The following GNAQ variants were observed in gnomAD, a reference collection of about 807,000 sequenced individuals.
GNAQ encodes the protein guanine nucleotide-binding protein G(q) subunit alpha.
GNAQ carries 8 observed loss-of-function variants against 43.9 expected under a neutral mutation model. The observed-to-expected ratio is 0.18, with a 90% CI of 0.11 to 0.33. The LOEUF is 0.33. Among genes scored for constraint, GNAQ ranks in the 10% least tolerant of loss-of-function variants. The pLI, the probability that GNAQ is intolerant of heterozygous loss-of-function variation, is 1.00. For missense variants in GNAQ, 158 were observed against 450.8 expected (o/e 0.35, Z 5.88); for synonymous variants, 155 against 170.7 (o/e 0.91, Z 0.71).
In GNAQ at chr9:77,907,337, C is replaced by T. The variant is rs576875323; in HGVS notation, c.321+14824G>A. The stretch of plus-strand genomic sequence containing the variant: ...GACAAACACCCAGCACTGCCAGATG[C>T]ATCACTACATGCACCAACCCAGAAC... On this transcript the variant is annotated intron_variant, in intron 2 of 6. Transcript: ENST00000286548. Among the ~76,000 whole-genome samples, 26 of 152,142 alleles carry T rather than the reference C, an allele frequency of 1.7e-4. No homozygotes were observed. The South Asian group carries it at 3.7e-3, about 22-fold the overall frequency.
At chr9:77,991,732 C>T (rs905809820) in intron 1 of GNAQ, among the ~76,000 whole-genome samples, 1 of 152,162 alleles carries the variant, frequency 6.6e-6, no homozygotes, top group African/African-American at 2.4e-5. Flanking sequence ...CCATGCTTCC[C>T]TCCAAGTCCC....
chr9:77,809,367 G>A (rs1043475453), intron 3 of GNAQ, among the ~76,000 whole-genome samples: 2 of 152,178 alleles, frequency 1.3e-5, no homozygotes, highest in African/African-American at 4.8e-5. Context: ...ACGCCAATGT[G>A]ATTGAGACTT....
rs1489022281 is a variant in GNAQ, at chr9:78,031,674, G to A, written c.-439C>T. On this transcript the variant is annotated 5_prime_UTR_variant, in exon 1 of 7. Transcript: ENST00000286548. ...TCATTCACCGGGGTGTCCCCGCAGC[G>A]AGCGGCCGCCGACGGCTCCCCGCGC... is the stretch of plus-strand genomic sequence containing the variant. Among the ~76,000 whole-genome samples, 1 of 146,980 alleles carries A rather than the reference G, an allele frequency of 6.8e-6. No individual in the cohort carries two copies. Among genetic ancestry groups the A allele is most frequent in the Admixed American group, 6.7e-5 (1 of 14,834 alleles).
intron 5 of GNAQ, among the ~76,000 whole-genome samples, chr9:77,786,349 C>CT (rs1826478763): frequency 7.1e-6 from 1 of 140,318 alleles, no homozygotes; most frequent in African/African-American, 2.7e-5. Context: ...GAGTGAGACT[C>CT]TGTCTCAAAA....
chr9:77,896,300 A>T, intron 2 of GNAQ, among the ~76,000 whole-genome samples: 1 of 152,232 alleles, frequency 6.6e-6, no homozygotes, highest in Non-Finnish European at 1.5e-5. Context: ...ACTCACCAGG[A>T]ATAATTTCAA....
intron 5 of GNAQ, among the ~76,000 whole-genome samples, chr9:77,739,170 C>G (rs1216410322): frequency 1.3e-5 from 2 of 152,034 alleles, no homozygotes; most frequent in Non-Finnish European, 2.9e-5. Context: ...GGGAGAGCTA[C>G]CCTTTTAGAA....
chr9:77,794,416 A>G lies in GNAQ; in HGVS notation c.735+47T>C, dbSNP rs1353959894. The G allele has an allele frequency of 3.8e-6, 5 of 1,299,870 alleles. No individual in the cohort carries two copies. The East Asian group carries it at 1.2e-4, about 32-fold the overall frequency. 80.5% of individuals were successfully genotyped at this position (1,299,870 alleles called of 1,614,324 possible). A position where few individuals can be genotyped will look rare whatever the true frequency, so the allele number is the denominator to read the frequency against. On this transcript the variant is annotated intron_variant, in intron 5 of 6. Coordinates refer to ENST00000286548, the MANE Select transcript of GNAQ (RefSeq NM_002072.5). ...ACCCTACTTTCTATCATTTACTTGTATCAGATAATAAAATGATAATCCATT... is the reference window on the plus strand; with the variant it reads ...ACCCTACTTTCTATCATTTACTTGTGTCAGATAATAAAATGATAATCCATT...
chr9:77,798,598 A>G (rs1322649949), intron 3 of GNAQ, among the ~76,000 whole-genome samples: 1 of 152,218 alleles, frequency 6.6e-6, no homozygotes, highest in Non-Finnish European at 1.5e-5. Context: ...CCTCCTGCAC[A>G]TACCAAAATC....
chr9:77,871,752 G>C (rs1490079503), intron 2 of GNAQ, among the ~76,000 whole-genome samples: 2 of 152,026 alleles, frequency 1.3e-5, no homozygotes, highest in Admixed American at 6.5e-5. Flanking sequence ...ACTTTTTTCT[G>C]ATCTATAATA....
At chr9:77,792,046 GA>G (rs1381182409) in intron 5 of GNAQ, among the ~76,000 whole-genome samples, 2 of 144,838 alleles carry the variant, frequency 1.4e-5, no homozygotes, top group African/African-American at 4.9e-5. Flanking sequence ...GGGGTAATGA[GA>G]CTACATCCCA....
intron 3 of GNAQ, among the ~76,000 whole-genome samples, chr9:77,800,044 A>G (rs1230091283): frequency 6.6e-6 from 1 of 152,220 alleles, no homozygotes; most frequent in East Asian, 1.9e-4. Context: ...TGTTCTGGGA[A>G]GGGATCTGTA....
intron 2 of GNAQ, among the ~76,000 whole-genome samples, chr9:77,826,614 A>G (rs933409736): frequency 6.6e-6 from 1 of 152,218 alleles, no homozygotes; most frequent in Non-Finnish European, 1.5e-5. Flanking sequence ...GCACAGTGTT[A>G]TAAGGGCCTA....
At chr9:78,008,937 A>G (rs546509867) in intron 1 of GNAQ, among the ~76,000 whole-genome samples, 4 of 152,344 alleles carry the variant, frequency 2.6e-5, no homozygotes, top group South Asian at 2.1e-4. Context: ...TTTCTTAAAG[A>G]AGAAATTTAA....
chr9:77,957,520 C>A (rs1229424534), intron 1 of GNAQ, among the ~76,000 whole-genome samples: 1 of 152,118 alleles, frequency 6.6e-6, no homozygotes, highest in African/African-American at 2.4e-5. Context: ...GCATGGAAAG[C>A]AACTGATGAG....
At chr9:77,813,070 G>A (rs1826953065) in intron 3 of GNAQ, among the ~76,000 whole-genome samples, 1 of 151,466 alleles carries the variant, frequency 6.6e-6, no homozygotes, top group Admixed American at 6.6e-5. Flanking sequence ...ACCCCACCAC[G>A]CCTGGCTACT....
At chr9:77,764,296 T>C (rs1367829982) in intron 5 of GNAQ, among the ~76,000 whole-genome samples, 1 of 152,130 alleles carries the variant, frequency 6.6e-6, no homozygotes, top group Non-Finnish European at 1.5e-5. Flanking sequence ...ATTATTTCCC[T>C]AAGGTCAATG....
chr9:77,863,761 A>G (rs930922303), intron 2 of GNAQ, among the ~76,000 whole-genome samples: 1 of 152,172 alleles, frequency 6.6e-6, no homozygotes, highest in African/African-American at 2.4e-5. Flanking sequence ...GGCAAGGAGG[A>G]GCAAGTCATG....
chr9:77,799,954 T>A (rs1349667351), intron 3 of GNAQ, among the ~76,000 whole-genome samples: 2 of 152,154 alleles, frequency 1.3e-5, no homozygotes, highest in African/African-American at 4.8e-5. Context: ...AAAGGAAACG[T>A]AAAAATGGAC....
chr9:77,755,243 G>C (rs1015110801), intron 5 of GNAQ, among the ~76,000 whole-genome samples: 1 of 152,192 alleles, frequency 6.6e-6, no homozygotes, highest in Non-Finnish European at 1.5e-5. Flanking sequence ...GGGTAGTGGG[G>C]CTGGGGGAAG....
Sources: allele counts gnomAD v4.1 joint callset (sites outside exome capture counted in the v4.1 genomes callset), GRCh38; gene constraint gnomAD v4.1.1; transcripts MANE v1.5; gene names NCBI Gene and HGNC (gene_info 2026-07-23, HGNC 2026-07-21).